Variants in SLC5A12 observed in about 807,000 individuals in gnomAD.
The protein encoded by SLC5A12 is sodium-coupled monocarboxylate transporter 2.
In SLC5A12, 46 loss-of-function variants were observed where a neutral mutation model predicts 72.7. The observed-to-expected ratio is 0.63, with a 90% CI of 0.50 to 0.81. SLC5A12 has a LOEUF of 0.81. Among genes scored for constraint, SLC5A12 ranks in the 30% least tolerant of loss-of-function variants. The probability of loss-of-function intolerance (pLI) is 0.00; values close to 1 mark genes in which losing one functional copy is unlikely to be tolerated. For synonymous variants in SLC5A12, 275 were observed against 264.4 expected (o/e 1.04, Z -0.39); for missense variants, 683 against 740.7 (o/e 0.92, Z 0.90).
At chr11:26,700,506 A>AAAATAAATAAATAAAT (rs57501561) in intron 6 of SLC5A12, among the ~76,000 whole-genome samples, 2,352 of 150,018 alleles carry the variant, frequency 0.016, 30 homozygotes, top group East Asian at 0.064. Flanking sequence ...ATGAACACTG[A>AAAATAAATAAATAAAT]AAATAAATAA....
intron 12 of SLC5A12, 75 bp downstream of exon 12, chr11:26,680,980 C>G: frequency 7.5e-7 from 1 of 1,334,968 alleles, no homozygotes; most frequent in African/African-American, 1.5e-5. Flanking sequence ...TCACACTTAT[C>G]TCTGAAGAGT....
chr11:26,679,793 G>A (rs1242829384), intron 12 of SLC5A12, among the ~76,000 whole-genome samples: 1 of 152,086 alleles, frequency 6.6e-6, no homozygotes, highest in Non-Finnish European at 1.5e-5. Flanking sequence ...GGATAAAAAG[G>A]TTGTGTTTTA....
intron 12 of SLC5A12, among the ~76,000 whole-genome samples, chr11:26,679,287 C>T (rs117874662): frequency 0.028 from 4,249 of 152,030 alleles, 74 homozygotes; most frequent in Non-Finnish European, 0.044. Context: ...CAGACCAATG[C>T]GTGAGATGAT....
At chr11:26,680,797 A>G (rs1854394236) in intron 12 of SLC5A12, among the ~76,000 whole-genome samples, 1 of 152,008 alleles carries the variant, frequency 6.6e-6, no homozygotes, top group African/African-American at 2.4e-5. Flanking sequence ...TGAACCCTCC[A>G]CTATTTTTTC....
rs747761638 is a variant in SLC5A12 at position 26,678,802 on chromosome 11, C to G, written c.1489G>C (p.Asp497His). ...PVLSSRPGIA[D>H]TWYSISYLYY... is the part of the protein sequence containing the mutation. The stretch of plus-strand genomic sequence containing the variant: ...AGGTAGGAGATCGAGTACCAGGTAT[C>G]AGCTATTCCAGGTCTGTGGAGAACA... The change falls in exon 13 of 15, where the codon GAT becomes CAT. Residue 497 changes from aspartate to histidine, a missense_variant. Asp to His is a moderately conservative substitution (Grantham distance 81). Transcript: ENST00000396005. 6 of 1,612,046 alleles carry G rather than the reference C, an allele frequency of 3.7e-6. No individual in the cohort carries two copies. The highest frequency in any genetic ancestry group is 5.1e-6 in the Non-Finnish European group (6 of 1,178,634).
At chr11:26,672,493 T>C (rs1854166391) in intron 14 of SLC5A12, among the ~76,000 whole-genome samples, 1 of 152,122 alleles carries the variant, frequency 6.6e-6, no homozygotes, top group Non-Finnish European at 1.5e-5. Context: ...TAACAACCCT[T>C]TGAGTGACCA....
chr11:26,696,379 T>C (rs1007985654), intron 8 of SLC5A12, among the ~76,000 whole-genome samples: 3 of 152,300 alleles, frequency 2.0e-5, no homozygotes, highest in African/African-American at 4.8e-5. Context: ...GCTGTCTGAG[T>C]GTGTTATTAA....
chr11:26,718,798 T>C (rs1855412734), intron 1 of SLC5A12, among the ~76,000 whole-genome samples: 1 of 152,116 alleles, frequency 6.6e-6, no homozygotes, highest in African/African-American at 2.4e-5. Context: ...CTAGAGTCCA[T>C]ACTTTTAACT....
chr11:26,680,304 CAT>C (rs35822935), intron 12 of SLC5A12, among the ~76,000 whole-genome samples: 36,256 of 67,444 alleles, frequency 0.54, 11,756 homozygotes, highest in Middle Eastern at 0.73. Flanking sequence ...TATATATATT[CAT>C]ATATATATAT....
In SLC5A12 at chr11:26,671,212, C is replaced by G. The variant is rs1281672651; in HGVS notation, c.1747G>C (p.Glu583Gln). 3.1e-6 allele frequency: 5 copies of G among 1,607,200 alleles called. No homozygotes were observed. In the African/African-American group the frequency reaches 6.7e-5, roughly 22 times the overall value. ...CTGAGTCCGTTCTGTAAGACAGATT[C>G]AGCCCCCTGTTTCCGGGCACTGCCA... is the stretch of plus-strand genomic sequence containing the variant. Reference protein sequence around the residue: ...ENGSARKQGAESVLQNGLRRE... With the variant: ...ENGSARKQGAQSVLQNGLRRE... Residue 583 changes from glutamate (E) to glutamine (Q), a missense_variant, in exon 15 of 15, where the codon GAA (glutamate) becomes CAA (glutamine). Coordinates refer to ENST00000396005, the MANE Select transcript of SLC5A12 (RefSeq NM_178498.4).
In SLC5A12 at chr11:26,678,833, TG is replaced by T; in HGVS notation, c.1476-19del. On this transcript the variant is annotated intron_variant, in intron 12 of 14. Transcript: ENST00000396005. The stretch of plus-strand genomic sequence containing the variant: ...TTCCAGGTCTGTGGAGAACAGCACA[TG>T]TCACCAATTCCATGCATCCTAAAGA... The T allele has an allele frequency of 6.4e-7, 1 of 1,555,766 alleles. No individual in the cohort carries two copies.
chr11:26,686,626 G>A, intron 9 of SLC5A12, 82 bp from the exon 10 acceptor site: 1 of 1,231,900 alleles, frequency 8.1e-7, no homozygotes, highest in South Asian at 1.3e-5. Flanking sequence ...ACTCAGAACT[G>A]TCTCTGATCC....
At chr11:26,696,217 C>T (rs540651531) in intron 8 of SLC5A12, among the ~76,000 whole-genome samples, 2 of 152,270 alleles carry the variant, frequency 1.3e-5, no homozygotes, top group East Asian at 3.9e-4. Context: ...TAAGTGAGGA[C>T]AATGCTTATA....
At chr11:26,708,556 T>C (rs1196417386) in intron 4 of SLC5A12, among the ~76,000 whole-genome samples, 1 of 152,002 alleles carries the variant, frequency 6.6e-6, no homozygotes, top group Non-Finnish European at 1.5e-5. Flanking sequence ...ATATATTAAT[T>C]TTTTATTTTT....
At chr11:26,695,903 C>G (rs1462862939) in intron 8 of SLC5A12, among the ~76,000 whole-genome samples, 1 of 152,158 alleles carries the variant, frequency 6.6e-6, no homozygotes, top group Admixed American at 6.5e-5. Context: ...CTCAAACACT[C>G]CATACAGTTT....
At position 26,721,817 on chromosome 11, in the gene SLC5A12, G is replaced by C; in HGVS notation, c.-103C>G. 1.0e-6 allele frequency: 1 copy of C among 976,516 alleles called. No homozygotes were observed. Among genetic ancestry groups the C allele is most frequent in the Non-Finnish European group, 1.6e-6 (1 of 644,646 alleles). The allele number at this position is 976,516 out of a possible 1,614,324, so 60.5% of individuals were successfully genotyped here. ...CAGTGGATGCTTTGCTGAGAGGAGA[G>C]ACTGTGATTCCCTGAAGAAAATGAT... is the stretch of plus-strand genomic sequence containing the variant. On this transcript the variant is annotated 5_prime_UTR_variant, in exon 1 of 15. Coordinates refer to ENST00000396005, the MANE Select transcript of SLC5A12 (RefSeq NM_178498.4).
intron 3 of SLC5A12, 125 bp downstream of exon 3, chr11:26,711,182 T>C (rs146869537): frequency 2.7e-6 from 2 of 741,122 alleles, no homozygotes; most frequent in Non-Finnish European, 4.6e-6. Context: ...TGACTTCTAA[T>C]AGTAATTCAG....
intron 13 of SLC5A12, among the ~76,000 whole-genome samples, chr11:26,677,285 G>C (rs987412080): frequency 2.0e-5 from 3 of 152,216 alleles, no homozygotes; most frequent in Admixed American, 6.6e-5. Flanking sequence ...AATACTGGAA[G>C]AGTTATTCAT....
At chr11:26,687,786 G>A (rs1041454665) in intron 9 of SLC5A12, among the ~76,000 whole-genome samples, 8 of 152,120 alleles carry the variant, frequency 5.3e-5, no homozygotes, top group African/African-American at 1.4e-4. Flanking sequence ...CTTCAAGATT[G>A]ATCACTAAGC....
Sources: allele counts gnomAD v4.1 joint callset (sites outside exome capture counted in the v4.1 genomes callset), GRCh38; gene constraint gnomAD v4.1.1; transcripts MANE v1.5; gene names NCBI Gene and HGNC (gene_info 2026-07-23, HGNC 2026-07-21).